Variants in PPP1R37 observed in about 807,000 individuals in gnomAD.
PPP1R37 encodes the protein leucine rich repeat containing 68.
In PPP1R37, 21 loss-of-function variants were observed where a neutral mutation model predicts 61.0. That is an observed-to-expected ratio of 0.34 (90% confidence interval 0.24 to 0.50). The LOEUF (loss-of-function observed/expected upper bound fraction) is 0.50. Among genes scored for constraint, PPP1R37 ranks in the 20% least tolerant of loss-of-function variants. The pLI, the probability that PPP1R37 is intolerant of heterozygous loss-of-function variation, is 0.98. For missense variants in PPP1R37, 910 were observed against 952.7 expected (o/e 0.96, Z 0.59); for synonymous variants, 443 against 433.5 (o/e 1.02, Z -0.27).
Position 45,126,283 on chromosome 19 carries a change from C to T in PPP1R37, c.203-12231C>T, listed in dbSNP as rs200138961. ...GAGTGGTGGCAGCAACTGTAACATA[C>T]GGTTCTGGAGGGCAGGGACAGGGGC... On this transcript the variant is annotated intron_variant, in intron 1 of 12. Transcript: ENST00000221462. Among the ~76,000 whole-genome samples, 17 of 152,316 alleles carry T rather than the reference C, an allele frequency of 1.1e-4. No individual in the cohort carries two copies. In the East Asian group the frequency reaches 3.1e-3, roughly 28 times the overall value.
intron 1 of PPP1R37, among the ~76,000 whole-genome samples, chr19:45,128,083 A>T (rs1021268941): frequency 6.6e-6 from 1 of 152,198 alleles, no homozygotes; most frequent in African/African-American, 2.4e-5. Flanking sequence ...AAATATGTAT[A>T]ATAATTATGT....
chr19:45,106,488 C>T (rs975078157), intron 1 of PPP1R37, among the ~76,000 whole-genome samples: 2 of 152,126 alleles, frequency 1.3e-5, no homozygotes, highest in Non-Finnish European at 2.9e-5. Flanking sequence ...AAATGATCCA[C>T]CCGCCTCGGC....
At chr19:45,137,801 G>T (rs1968556978) in intron 1 of PPP1R37, among the ~76,000 whole-genome samples, 1 of 146,348 alleles carries the variant, frequency 6.8e-6, no homozygotes, top group Non-Finnish European at 1.5e-5. Flanking sequence ...TTGAAGTGAG[G>T]ATTCATTCTT....
chr19:45,131,695 C>T (rs886886165), intron 1 of PPP1R37, among the ~76,000 whole-genome samples: 2 of 152,216 alleles, frequency 1.3e-5, no homozygotes, highest in African/African-American at 4.8e-5. Context: ...CAAGACCAGC[C>T]TGGGCAATAT....
intron 1 of PPP1R37, among the ~76,000 whole-genome samples, chr19:45,135,104 C>T (rs1968522519): frequency 6.6e-6 from 1 of 152,132 alleles, no homozygotes; most frequent in African/African-American, 2.4e-5. Flanking sequence ...AAAAATTAGC[C>T]AGGTGTGGTG....
chr19:45,094,709 C>A (rs555670632), intron 1 of PPP1R37, among the ~76,000 whole-genome samples: 1 of 148,548 alleles, frequency 6.7e-6, no homozygotes, highest in African/African-American at 2.5e-5. Flanking sequence ...GCCTGGGTGA[C>A]AAGAGCAAAA....
chr19:45,145,432 G>C lies in PPP1R37; in HGVS notation c.1376G>C (p.Arg459Pro). Residue 459 changes from arginine (R) to proline (P), a missense_variant, in exon 11 of 13, where the codon CGG (arginine) becomes CCG (proline). Arg to Pro is a moderately radical substitution (Grantham distance 103, BLOSUM62 -2). This residue lies in a region of PPP1R37 where 549 missense variants were observed against 505.1 expected (regional missense o/e 1.09). Transcript: ENST00000221462. The part of the protein sequence containing the change: ...NGCKRNLVLA[R>P]EREEKEQPPQ... ...TGCAAGCGCAACTTGGTGCTGGCGC[G>C]GGAGAGGGAGGAGAAGGAGCAGCCG... 2 of 1,535,346 alleles carry C rather than the reference G, an allele frequency of 1.3e-6. No individual in the cohort carries two copies. Among genetic ancestry groups the C allele is most frequent in the Non-Finnish European group, 8.7e-7 (1 of 1,146,636 alleles).
chr19:45,093,296 C>T lies in PPP1R37; in HGVS notation c.-30C>T. ...AAATCCGGGGCCCGGGGCATGTCCC[C>T]GGGGCCCCCGTGAGGAGGCGGCGGC... On this transcript the variant is annotated 5_prime_UTR_variant, in exon 1 of 13. Transcript: ENST00000221462. 1 of 1,380,094 alleles carries T rather than the reference C, an allele frequency of 7.2e-7. No individual in the cohort carries two copies. The highest frequency in any genetic ancestry group is 9.3e-7 in the Non-Finnish European group (1 of 1,072,782). 85.5% of individuals were successfully genotyped at this position (1,380,094 alleles called of 1,614,324 possible).
At chr19:45,143,423 T>A in intron 7 of PPP1R37, 98 bp from the exon 8 acceptor site, 1 of 682,800 alleles carries the variant, frequency 1.5e-6, no homozygotes, top group Non-Finnish European at 2.5e-6. Flanking sequence ...GGGGCCTCCA[T>A]GGAGGTCCTA....
In PPP1R37 at chr19:45,146,563, TC is replaced by T. The variant is rs1364107486; in HGVS notation, c.*9-4del. 23 of 983,236 alleles carry T rather than the reference TC, an allele frequency of 2.3e-5. No homozygotes were observed. The highest frequency in any genetic ancestry group is 3.5e-5 in the Non-Finnish European group (23 of 660,480). The allele number at this position is 983,236 out of a possible 1,614,324, so 60.9% of individuals were successfully genotyped here. A position where few individuals can be genotyped will look rare whatever the true frequency, so the allele number is the denominator to read the frequency against. On this transcript the variant is annotated splice_polypyrimidine_tract_variant and splice_region_variant and intron_variant, in intron 12 of 12. Coordinates refer to ENST00000221462, the MANE Select transcript of PPP1R37 (RefSeq NM_019121.2). ...TGACAGTCTCTCCCCCAATCTCTCC[TC>T]CCCAAGTTCCCTTTTTCCGGTCGGT...
rs535709760 is a variant in PPP1R37 at position 45,140,809 on chromosome 19, G to T, written c.447+203G>T. 6.8e-6 allele frequency: 4 copies of T among 588,510 alleles called. No homozygotes were observed. In the South Asian group the frequency reaches 8.2e-5, roughly 12 times the overall value. 36.5% of individuals were successfully genotyped at this position (588,510 alleles called of 1,614,324 possible). ...TGGAGGGCGCGTTGGGGCACCTATG[G>T]CCCACCCTCATAAGCAAGGAGAGCC... is the stretch of plus-strand genomic sequence containing the variant. On this transcript the variant is annotated intron_variant, in intron 4 of 12. Coordinates refer to ENST00000221462, the MANE Select transcript of PPP1R37 (RefSeq NM_019121.2).
At chr19:45,128,908 T>A in intron 1 of PPP1R37, 1 of 697,974 alleles carries the variant, frequency 1.4e-6, no homozygotes, top group Non-Finnish European at 2.6e-6. Flanking sequence ...ACCTTCTTCG[T>A]CTGCCAGAGG....
chr19:45,104,957 C>T lies in PPP1R37; in HGVS notation c.202+11430C>T, dbSNP rs115030694. ...TTCCTGGCCCTCCTAATGGGCTCCC[C>T]GTCAGGTGGCCAGCGATCTGCTTAT... On this transcript the variant is annotated intron_variant, in intron 1 of 12. Coordinates refer to ENST00000221462, the MANE Select transcript of PPP1R37 (RefSeq NM_019121.2). Among the ~76,000 whole-genome samples the T allele has an allele frequency of 3.8e-3, 573 of 152,320 alleles. 5 individuals are homozygous for T. Among genetic ancestry groups the T allele is most frequent in the African/African-American group, 0.013 (560 of 41,570 alleles).
chr19:45,111,780 G>GA (rs1249242841), intron 1 of PPP1R37, among the ~76,000 whole-genome samples: 1 of 151,864 alleles, frequency 6.6e-6, no homozygotes, highest in African/African-American at 2.4e-5. Flanking sequence ...TTTGCGGGGG[G>GA]CGGGGGTGGA....
chr19:45,104,644 A>G (rs779205739), intron 1 of PPP1R37, among the ~76,000 whole-genome samples: 27 of 150,544 alleles, frequency 1.8e-4, no homozygotes, highest in Non-Finnish European at 3.2e-4. Flanking sequence ...GAAAAAGCAG[A>G]CTTTGCTATT....
intron 1 of PPP1R37, among the ~76,000 whole-genome samples, chr19:45,123,842 G>T (rs995699466): frequency 3.9e-5 from 6 of 152,170 alleles, no homozygotes; most frequent in Non-Finnish European, 8.8e-5. Context: ...CTGCCTGCAG[G>T]CTTCCTTGTT....
chr19:45,112,193 T>C (rs1034749979), intron 1 of PPP1R37, among the ~76,000 whole-genome samples: 4 of 152,090 alleles, frequency 2.6e-5, no homozygotes, highest in Non-Finnish European at 4.4e-5. Flanking sequence ...AGGCTGGTCT[T>C]GGAACTCCTG....
intron 1 of PPP1R37, chr19:45,108,645 GT>G (rs59587397): frequency 0.71 from 99,675 of 139,840 alleles, 35,840 homozygotes; most frequent in East Asian, 0.93. Context: ...ATTTTTGTGG[GT>G]TTTTTTTTTT....
chr19:45,143,347 G>A (rs547535310), intron 7 of PPP1R37, 174 bp from the exon 8 acceptor site: 13 of 548,630 alleles, frequency 2.4e-5, no homozygotes, highest in Non-Finnish European at 4.2e-5. Context: ...CCAGGCCCAG[G>A]GGTCACAGAT....
Sources: allele counts gnomAD v4.1 joint callset (sites outside exome capture counted in the v4.1 genomes callset), GRCh38; gene constraint gnomAD v4.1.1; regional missense constraint gnomAD v4.1.1; transcripts MANE v1.5; gene names NCBI Gene and HGNC (gene_info 2026-07-23, HGNC 2026-07-21).